Variants in PLEKHG1 observed in about 807,000 individuals in gnomAD.
The protein encoded by PLEKHG1 is pleckstrin homology and RhoGEF domain containing G1.
A neutral mutation model predicts 100.8 loss-of-function variants in PLEKHG1; 44 were observed. The ratio of observed to expected loss-of-function variants is 0.44; its 90% CI spans 0.34 to 0.56. PLEKHG1 has a LOEUF of 0.56. PLEKHG1 is among the 20% of genes least tolerant of loss of function. The pLI is 0.01. For missense variants in PLEKHG1, 1,545 were observed against 1,720.9 expected (o/e 0.90, Z 1.81); for synonymous variants, 640 against 662.5 (o/e 0.97, Z 0.52).
chr6:150,609,020 A>G (rs2128552307), intron 1 of PLEKHG1, among the ~76,000 whole-genome samples: 1 of 152,344 alleles, frequency 6.6e-6, no homozygotes, highest in South Asian at 2.1e-4. Context: ...TAATAAACCA[A>G]CATGAAAATA....
rs138626678 is a variant in PLEKHG1, at chr6:150,813,033, C to T, written c.1278+3299C>T. ...CAGAAGAACACTTGCTGGCCGGGCG[C>T]GGTGGCTCACACCTGTAATCCCAGC... On this transcript the variant is annotated intron_variant, in intron 10 of 15. Transcript: ENST00000358517. Among the ~76,000 whole-genome samples, 26 of 152,176 alleles carry T rather than the reference C, an allele frequency of 1.7e-4. No homozygotes were observed. The East Asian group carries it at 3.7e-3, about 22-fold the overall frequency.
Position 150,805,918 on chromosome 6 carries a change from A to T in PLEKHG1, c.912+1177A>T, listed in dbSNP as rs1787059736. Reference sequence around the variant, plus strand: ...CCCTGAATCTTAAGGAACTTTTGACAGCTGTTGGGCCAGTGATCATGCCCT... The same window carrying T: ...CCCTGAATCTTAAGGAACTTTTGACTGCTGTTGGGCCAGTGATCATGCCCT... On this transcript the variant is annotated intron_variant, in intron 7 of 15. Transcript: ENST00000358517. 3.3e-5 allele frequency among the ~76,000 whole-genome samples: 5 copies of T among 152,194 alleles called. 1 individual carries two copies. In the South Asian group the frequency reaches 1.0e-3, roughly 31 times the overall value.
At chr6:150,753,738 G>T (rs1218808697) in intron 2 of PLEKHG1, among the ~76,000 whole-genome samples, 1 of 152,166 alleles carries the variant, frequency 6.6e-6, no homozygotes, top group Non-Finnish European at 1.5e-5. Context: ...AGTTAAAAAC[G>T]AAATGCATAG....
chr6:150,714,815 T>TC (rs1781363687), intron 3 of PLEKHG1, among the ~76,000 whole-genome samples: 1 of 150,664 alleles, frequency 6.6e-6, no homozygotes, highest in South Asian at 2.1e-4. Flanking sequence ...GACAGAATTT[T>TC]TTTCTTTTTT....
Position 150,622,736 on chromosome 6 carries a change from C to T in PLEKHG1, c.-203-15344C>T, listed in dbSNP as rs563589945. Among the ~76,000 whole-genome samples the T allele has an allele frequency of 1.4e-4, 22 of 152,312 alleles. No homozygotes were observed. In the East Asian group the frequency reaches 3.3e-3, roughly 23 times the overall value. On this transcript the variant is annotated intron_variant, in intron 1 of 3. Coordinates refer to the PLEKHG1 transcript ENST00000367326. ...CTCTAGGCATCCTCTGCCCTAGGTT[C>T]ATTTCGTTGTGTTGATGGTGTTTTG...
intron 3 of PLEKHG1, among the ~76,000 whole-genome samples, chr6:150,653,013 A>G (rs967026428): frequency 6.6e-6 from 1 of 152,210 alleles, no homozygotes; most frequent in South Asian, 2.1e-4. Flanking sequence ...TGGTAAAACA[A>G]TGGTTTTCTT....
intron 10 of PLEKHG1, among the ~76,000 whole-genome samples, chr6:150,812,232 G>A (rs1472416253): frequency 6.6e-6 from 1 of 152,166 alleles, no homozygotes; most frequent in Non-Finnish European, 1.5e-5. Context: ...TAAGGATCAG[G>A]AGACTCTTGC....
At chr6:150,822,406 ATG>A (rs1033048253) in intron 13 of PLEKHG1, among the ~76,000 whole-genome samples, 3 of 152,236 alleles carry the variant, frequency 2.0e-5, no homozygotes, top group Non-Finnish European at 4.4e-5. Context: ...GAATTTAAAA[ATG>A]TACATATCCT....
At chr6:150,616,089 C>T (rs1171295832) in intron 1 of PLEKHG1, among the ~76,000 whole-genome samples, 1 of 152,042 alleles carries the variant, frequency 6.6e-6, no homozygotes, top group Non-Finnish European at 1.5e-5. Context: ...ACAGACTGGC[C>T]CCAGATCTGA....
intron 6 of PLEKHG1, among the ~76,000 whole-genome samples, chr6:150,801,271 G>A (rs1042618965): frequency 2.0e-5 from 3 of 152,166 alleles, no homozygotes; most frequent in African/African-American, 7.2e-5. Context: ...AGAAGGGGCT[G>A]AAAAGGGAGA....
intron 1 of PLEKHG1, among the ~76,000 whole-genome samples, chr6:150,607,436 G>C (rs1162650247): frequency 6.6e-6 from 1 of 152,204 alleles, no homozygotes; most frequent in Non-Finnish European, 1.5e-5. Flanking sequence ...ACGATCCTGT[G>C]TGTTCCCTCT....
rs536228508 is a variant in PLEKHG1, at chr6:150,600,673, C to A, written c.-204+656C>A. 6.6e-6 allele frequency among the ~76,000 whole-genome samples: 1 copy of A among 152,360 alleles called. No individual in the cohort carries two copies. Among genetic ancestry groups the A allele is most frequent in the African/African-American group, 2.4e-5 (1 of 41,590 alleles). On this transcript the variant is annotated intron_variant, in intron 1 of 3. Coordinates refer to the PLEKHG1 transcript ENST00000367326. The surrounding 1 kb of genome is among the most constrained non-coding windows in gnomAD (Gnocchi z 6.2). The stretch of plus-strand genomic sequence containing the variant: ...AACGGTAACACCTGGGCGGCCGCGA[C>A]TCTGCGAGCGTTCTGGCCTCGGCGG...
chr6:150,809,053 T>C, intron 7 of PLEKHG1, 52 bp from the exon 9 acceptor site: 1 of 1,532,128 alleles, frequency 6.5e-7, no homozygotes, highest in South Asian at 1.2e-5. Context: ...ACCAAGCCCT[T>C]GGTGCCTGGC....
At chr6:150,790,172 C>T (rs1281160854) in intron 4 of PLEKHG1, among the ~76,000 whole-genome samples, 3 of 152,112 alleles carry the variant, frequency 2.0e-5, no homozygotes, top group African/African-American at 7.2e-5. Flanking sequence ...CAGGCATGTG[C>T]CACCACACCC....
At chr6:150,636,034 AATT>A (rs1414850607) in intron 1 of PLEKHG1, among the ~76,000 whole-genome samples, 2 of 152,154 alleles carry the variant, frequency 1.3e-5, no homozygotes, top group Non-Finnish European at 2.9e-5. Flanking sequence ...GGTATGAAAC[AATT>A]ATTATCTTTA....
intron 3 of PLEKHG1, among the ~76,000 whole-genome samples, chr6:150,783,358 G>A (rs1344806810): frequency 1.3e-5 from 2 of 151,658 alleles, no homozygotes; most frequent in East Asian, 3.9e-4. Flanking sequence ...CATAATTCAC[G>A]AGCAGAGATT....
intron 2 of PLEKHG1, among the ~76,000 whole-genome samples, chr6:150,643,459 C>T (rs930336073): frequency 2.0e-5 from 3 of 152,162 alleles, no homozygotes; most frequent in Admixed American, 6.5e-5. Context: ...GGAAACTGAA[C>T]TCATCTTAAA....
chr6:150,788,103 G>A (rs937357433), intron 4 of PLEKHG1, among the ~76,000 whole-genome samples: 3 of 152,170 alleles, frequency 2.0e-5, no homozygotes, highest in African/African-American at 2.4e-5. Flanking sequence ...CTTAGCTCTC[G>A]CTTAATTATT....
rs141635408 is a variant in PLEKHG1, at chr6:150,601,452, C to A, written c.-204+1435C>A. Among the ~76,000 whole-genome samples, 1,216 of 152,168 alleles carry A rather than the reference C, an allele frequency of 8.0e-3. 10 individuals are homozygous for A. Among genetic ancestry groups the A allele is most frequent in the African/African-American group, 0.027 (1,131 of 41,508 alleles). On this transcript the variant is annotated intron_variant, in intron 1 of 3. Coordinates refer to the PLEKHG1 transcript ENST00000367326. ...TACGGCCTCCTGCTCATTCCTCATC[C>A]CCCTCCCAAACCCCTACCCCCTGTA... is the stretch of plus-strand genomic sequence containing the variant.
Sources: gnomAD v4.1 joint callset for allele counts (sites outside exome capture counted in the v4.1 genomes callset) on GRCh38, gnomAD v4.1.1 for gene constraint, Gnocchi (gnomAD v3.1) non-coding constraint, MANE v1.5 for transcripts, NCBI Gene and HGNC (gene_info 2026-07-23, HGNC 2026-07-21) for gene names.